The following PPP4R2 variants were observed in gnomAD, a reference collection of about 807,000 sequenced individuals.
PPP4R2 encodes protein phosphatase 4 regulatory subunit 2, also known as serine/threonine-protein phosphatase 4 regulatory subunit 2.
In PPP4R2, 13 loss-of-function variants were observed where a neutral mutation model predicts 47.2. That is an observed-to-expected ratio of 0.28 (90% CI 0.18 to 0.44). The LOEUF is 0.44. Among genes scored for constraint, PPP4R2 ranks in the 20% least tolerant of loss-of-function variants. The pLI is 1.00. For synonymous variants in PPP4R2, 151 were observed against 163.3 expected (o/e 0.92, Z 0.57); for missense variants, 421 against 491.2 (o/e 0.86, Z 1.35).
chr3:73,009,994 A>G (rs1701689116), intron 2 of PPP4R2, among the ~76,000 whole-genome samples: 1 of 152,210 alleles, frequency 6.6e-6, no homozygotes, highest in African/African-American at 2.4e-5. Flanking sequence ...AACCACTTGC[A>G]CATTCCATCC....
chr3:73,017,164 CCACCTCAGCCT>C (rs1701857832), intron 2 of PPP4R2, among the ~76,000 whole-genome samples: 1 of 152,096 alleles, frequency 6.6e-6, no homozygotes, highest in Non-Finnish European at 1.5e-5. Flanking sequence ...AAGCTATTTA[CCACCTCAGCCT>C]CACAAAGTGC....
chr3:73,027,024 ATTGAG>A (rs1209355293), intron 2 of PPP4R2, among the ~76,000 whole-genome samples: 2 of 152,218 alleles, frequency 1.3e-5, no homozygotes, highest in African/African-American at 4.8e-5. Flanking sequence ...GCTTCTGAAG[ATTGAG>A]TTAATATGTC....
intron 2 of PPP4R2, among the ~76,000 whole-genome samples, chr3:73,034,426 CAT>C (rs1702225925): frequency 6.6e-6 from 1 of 152,208 alleles, no homozygotes; most frequent in Non-Finnish European, 1.5e-5. Flanking sequence ...TTAGTGGACA[CAT>C]ATTTTCCTCC....
At chr3:73,012,553 TG>T (rs1443514277) in intron 2 of PPP4R2, among the ~76,000 whole-genome samples, 7 of 152,188 alleles carry the variant, frequency 4.6e-5, no homozygotes, top group Non-Finnish European at 1.0e-4. Flanking sequence ...CACCCACCTC[TG>T]CCCTCCAAAG....
chr3:73,051,209 C>T (rs1359809379), intron 3 of PPP4R2, among the ~76,000 whole-genome samples: 1 of 152,194 alleles, frequency 6.6e-6, no homozygotes, highest in Non-Finnish European at 1.5e-5. Context: ...GCCACCGCAC[C>T]TGGCCAGATT....
chr3:73,027,307 T>C (rs1158439003), intron 2 of PPP4R2, among the ~76,000 whole-genome samples: 1 of 152,200 alleles, frequency 6.6e-6, no homozygotes, highest in Non-Finnish European at 1.5e-5. Context: ...TTTTGCATTT[T>C]AGTAGAGACG....
intron 3 of PPP4R2, among the ~76,000 whole-genome samples, chr3:73,053,333 C>T (rs1358664368): frequency 6.6e-6 from 1 of 151,746 alleles, no homozygotes; most frequent in Non-Finnish European, 1.5e-5. Flanking sequence ...ACTTTGTAAC[C>T]ATCCCTCCTT....
At chr3:73,007,368 A>G (rs1222032158) in intron 2 of PPP4R2, among the ~76,000 whole-genome samples, 1 of 152,248 alleles carries the variant, frequency 6.6e-6, no homozygotes, top group East Asian at 1.9e-4. Flanking sequence ...AGTTATCGAC[A>G]ACTAAGACCC....
intron 2 of PPP4R2, among the ~76,000 whole-genome samples, chr3:73,028,782 G>T (rs1382595093): frequency 6.6e-6 from 1 of 152,100 alleles, no homozygotes; most frequent in African/African-American, 2.4e-5. Context: ...CCTTAAGTAG[G>T]ACTAGTGTGT....
chr3:73,004,875 T>G (rs144739690), intron 2 of PPP4R2, among the ~76,000 whole-genome samples: 16,829 of 68,446 alleles, frequency 0.25, 1,140 homozygotes, highest in South Asian at 0.41. Context: ...GTGTGTTTGT[T>G]TGTTTGTTTG....
At position 73,062,220 on chromosome 3, in the gene PPP4R2, A is replaced by C. The variant is rs1028383908; in HGVS notation, c.419+1160A>C. On this transcript the variant is annotated intron_variant, in intron 5 of 8. Transcript: ENST00000356692. ...AGAATTAAGTCGGAACCAATTTTCCACAATGTCTCATCTAAGAAAGGACTC... is the reference window on the plus strand; with the variant it reads ...AGAATTAAGTCGGAACCAATTTTCCCCAATGTCTCATCTAAGAAAGGACTC... The C allele has an allele frequency of 1.9e-6, 3 of 1,593,996 alleles. No individual in the cohort carries two copies. Among genetic ancestry groups the C allele is most frequent in the Non-Finnish European group, 2.6e-6 (3 of 1,173,532 alleles).
At position 73,002,634 on chromosome 3, in the gene PPP4R2, C is replaced by CTTTTTTCT. The variant is rs1701498300; in HGVS notation, c.116+4482_116+4483insCTTTTTTT. Among the ~76,000 whole-genome samples the CTTTTTTCT allele has an allele frequency of 3.5e-3, 146 of 41,168 alleles. 4 individuals carry two copies. Among genetic ancestry groups the CTTTTTTCT allele is most frequent in the African/African-American group, 0.016 (133 of 8,564 alleles). The allele number at this position is 41,168 out of a possible 152,430, so 27.0% of individuals were successfully genotyped here. ...CTTTTCTTTTCTTTTCTTTTCTTTT[C>CTTTTTTCT]TTTTTTTTTTTTTTTTTTTTTTTTT... is the stretch of plus-strand genomic sequence containing the variant. On this transcript the variant is annotated intron_variant, in intron 2 of 8. Coordinates refer to ENST00000356692, the MANE Select transcript of PPP4R2 (RefSeq NM_174907.4).
At chr3:73,008,433 T>C (rs1701657962) in intron 2 of PPP4R2, among the ~76,000 whole-genome samples, 1 of 152,358 alleles carries the variant, frequency 6.6e-6, no homozygotes, top group East Asian at 1.9e-4. Flanking sequence ...ATTTTTCTTA[T>C]CTTCATTCTT....
At chr3:73,042,368 T>C (rs1003086920) in intron 2 of PPP4R2, among the ~76,000 whole-genome samples, 3 of 141,146 alleles carry the variant, frequency 2.1e-5, no homozygotes, top group African/African-American at 5.5e-5. Flanking sequence ...TTTCTTTTTT[T>C]TTTTTTTTTT....
intron 2 of PPP4R2, among the ~76,000 whole-genome samples, chr3:73,007,458 C>G (rs975589524): frequency 1.4e-5 from 2 of 142,126 alleles, no homozygotes; most frequent in Non-Finnish European, 3.0e-5. Flanking sequence ...TTTTTCTTTT[C>G]TGTTTTTTTC....
Position 73,066,255 on chromosome 3 carries a change from T to TAA in PPP4R2, c.*534_*535insAA, listed in dbSNP as rs1396900864. The TAA allele has an allele frequency of 7.5e-5, 11 of 147,102 alleles. No individual in the cohort carries two copies. The highest frequency in any genetic ancestry group is 2.7e-4 in the African/African-American group (11 of 40,670). The allele number at this position is 147,102 out of a possible 1,614,324, so 9.1% of individuals were successfully genotyped here. On this transcript the variant is annotated 3_prime_UTR_variant, in exon 9 of 9. Transcript: ENST00000356692. ...ATATACATACATATATATATATATA[T>TAA]ATATATAATTCTAAGGGGGGAAATG...
Position 73,059,040 on chromosome 3 carries a change from C to T in PPP4R2, c.291C>T (p.Ile97=), listed in dbSNP as rs751469335. ...GTAAAATTATATTTTTTTGCAGTATCCCTTTTACTATTCAGCGACTATGTG... is the reference window on the plus strand; with the variant it reads ...GTAAAATTATATTTTTTTGCAGTATTCCTTTTACTATTCAGCGACTATGTG... The part of the protein sequence containing the change: ...ILKIVTGFNG[I]PFTIQRLCEL... The change falls in exon 4 of 9, where the codon ATC becomes ATT. Residue 97 remains isoleucine (I), a synonymous_variant. Transcript: ENST00000356692. 1 of 1,558,750 alleles carries T rather than the reference C, an allele frequency of 6.4e-7. No homozygotes were observed.
intron 3 of PPP4R2, among the ~76,000 whole-genome samples, chr3:73,048,275 G>A (rs1450753316): frequency 6.6e-6 from 1 of 152,020 alleles, no homozygotes; most frequent in African/African-American, 2.4e-5. Context: ...TTTGTTTTGA[G>A]ACAGAGTCTC....
At chr3:73,048,149 A>C (rs1346276153) in intron 3 of PPP4R2, among the ~76,000 whole-genome samples, 2 of 152,194 alleles carry the variant, frequency 1.3e-5, no homozygotes, top group Non-Finnish European at 2.9e-5. Context: ...TGCTGGAATT[A>C]CAGGCGTGAG....
Sources: allele counts gnomAD v4.1 joint callset (sites outside exome capture counted in the v4.1 genomes callset), GRCh38; gene constraint gnomAD v4.1.1; transcripts MANE v1.5; gene names NCBI Gene and HGNC (gene_info 2026-07-23, HGNC 2026-07-21).